Variants in RANBP2 observed in about 807,000 individuals in gnomAD.
RANBP2 encodes E3 SUMO-protein ligase RanBP2.
In RANBP2, 57 loss-of-function variants were observed where a neutral mutation model predicts 303.6. That is an observed-to-expected ratio of 0.19 (90% confidence interval 0.15 to 0.23). The LOEUF is 0.23. Ranked by LOEUF, RANBP2 falls within the 10% of genes least tolerant of loss-of-function variation. The probability of loss-of-function intolerance (pLI) is 1.00; values close to 1 mark genes in which losing one functional copy is unlikely to be tolerated. For synonymous variants in RANBP2, 1,167 were observed against 1,301.5 expected (o/e 0.90, Z 2.23); for missense variants, 3,138 against 3,780.8 (o/e 0.83, Z 4.46).
chr2:109,519,406 A>C, the RANBP2 span, among the ~76,000 whole-genome samples: 4,251 of 152,306 alleles, frequency 0.028, 219 homozygotes, highest in African/African-American at 0.097. Context: ...TCCAAACCAA[A>C]TCAAGTTTAA....
chr2:108,844,333 C>T, the RANBP2 span, among the ~76,000 whole-genome samples: 1 of 152,134 alleles, frequency 6.6e-6, no homozygotes, highest in African/African-American at 2.4e-5. Context: ...GTTATTCTTT[C>T]CTCCATCCTC....
the RANBP2 span, among the ~76,000 whole-genome samples, chr2:109,181,214 T>G: frequency 5.9e-5 from 9 of 152,130 alleles, no homozygotes; most frequent in Admixed American, 2.0e-4. Context: ...GATCTTAGGT[T>G]TATGGAAAAG....
rs1006200808 is a variant in RANBP2 at position 108,771,784 on chromosome 2, A to C, written c.7933A>C (p.Lys2645Gln). The C allele has an allele frequency of 1.7e-5, 27 of 1,613,968 alleles. No individual in the cohort carries two copies. Among genetic ancestry groups the C allele is most frequent in the Non-Finnish European group, 2.1e-5 (25 of 1,179,976 alleles). ...TGAACTAACTCCAACCGCTGAGCAG[A>C]AAGCCCTTGCAACCAAACTTAAACT... Reference protein sequence around the residue: ...VYELTPTAEQKALATKLKLPP... With the variant: ...VYELTPTAEQQALATKLKLPP... The change falls in exon 21 of 29, where the codon AAA (lysine) becomes CAA (glutamine). Residue 2645 changes from lysine to glutamine, a missense_variant. Physicochemically the swap from Lys to Gln is moderately conservative, Grantham distance 53 (BLOSUM62 1). Transcript: ENST00000283195.
the RANBP2 span, among the ~76,000 whole-genome samples, chr2:109,121,105 G>A: frequency 3.3e-5 from 5 of 152,082 alleles, no homozygotes; most frequent in Non-Finnish European, 7.4e-5. Context: ...AAAATTAGCC[G>A]GACAAGGTGG....
chr2:109,382,329 C>T, the RANBP2 span, among the ~76,000 whole-genome samples: 1 of 152,160 alleles, frequency 6.6e-6, no homozygotes, highest in Non-Finnish European at 1.5e-5. Context: ...GCTGCAGGCC[C>T]AGCCCAGGGG....
intron 7 of RANBP2, among the ~76,000 whole-genome samples, chr2:108,742,555 T>C (rs1406122766): frequency 1.3e-5 from 2 of 151,058 alleles, no homozygotes; most frequent in Non-Finnish European, 3.0e-5. Context: ...CCACCCGACT[T>C]GGCCTCTCAA....
At chr2:108,896,314 A>G in the RANBP2 span, 1 of 154,550 alleles carries the variant, frequency 6.5e-6, no homozygotes, top group Admixed American at 6.3e-5. Flanking sequence ...AACCTGAAAT[A>G]ATACCTGGAG....
chr2:109,005,668 A>G, the RANBP2 span, among the ~76,000 whole-genome samples: 1 of 152,240 alleles, frequency 6.6e-6, no homozygotes, highest in African/African-American at 2.4e-5. Flanking sequence ...AACTGCGGGC[A>G]CACAGCTCTT....
chr2:109,611,213 A>C, the RANBP2 span, among the ~76,000 whole-genome samples: 1 of 152,236 alleles, frequency 6.6e-6, no homozygotes, highest in Non-Finnish European at 1.5e-5. Context: ...ATAAATGTAA[A>C]ACATAAACTA....
chr2:109,545,633 T>C, the RANBP2 span: 2 of 1,517,094 alleles, frequency 1.3e-6, no homozygotes, highest in East Asian at 2.5e-5. Context: ...AAATACTATC[T>C]TATGTCTATA....
the RANBP2 span, among the ~76,000 whole-genome samples, chr2:109,439,867 C>G: frequency 6.6e-6 from 1 of 152,018 alleles, no homozygotes; most frequent in East Asian, 1.9e-4. Flanking sequence ...GGTGGGTTTG[C>G]TAAAGGGCTG....
At chr2:108,813,248 CAAAAA>C in the RANBP2 span, among the ~76,000 whole-genome samples, 7 of 63,564 alleles carry the variant, frequency 1.1e-4, no homozygotes, top group South Asian at 9.8e-4. Context: ...GACTCCGTCT[CAAAAA>C]AAAAAAAAAA....
At chr2:109,472,314 C>A in the RANBP2 span, among the ~76,000 whole-genome samples, 1 of 151,820 alleles carries the variant, frequency 6.6e-6, no homozygotes, top group Non-Finnish European at 1.5e-5. Flanking sequence ...CAGGGGCCTC[C>A]CGGGCCCTCC....
At chr2:108,741,058 G>A (rs1428081713) in intron 7 of RANBP2, among the ~76,000 whole-genome samples, 5 of 152,088 alleles carry the variant, frequency 3.3e-5, no homozygotes, top group South Asian at 4.1e-4. Context: ...TAGGGCAATG[G>A]CTTTATAGCC....
At chr2:109,026,668 C>A in the RANBP2 span, among the ~76,000 whole-genome samples, 1 of 152,166 alleles carries the variant, frequency 6.6e-6, no homozygotes, top group African/African-American at 2.4e-5. Flanking sequence ...TTGCTCGGCA[C>A]CCTCTAGGTG....
the RANBP2 span, among the ~76,000 whole-genome samples, chr2:109,724,712 G>A: frequency 8.5e-5 from 13 of 152,204 alleles, no homozygotes; most frequent in African/African-American, 1.4e-4. Context: ...CGGTTTTCTC[G>A]CCAGCTTTTG....
the RANBP2 span, among the ~76,000 whole-genome samples, chr2:109,443,458 T>C: frequency 0.048 from 7,299 of 152,274 alleles, 530 homozygotes; most frequent in African/African-American, 0.15. Flanking sequence ...ATTCCATGAA[T>C]GTCTGAAAAT....
chr2:108,958,583 C>T, the RANBP2 span, among the ~76,000 whole-genome samples: 47 of 152,212 alleles, frequency 3.1e-4, no homozygotes, highest in Non-Finnish European at 6.5e-4. Context: ...GGTGGGAGGG[C>T]ACCCCATGGC....
the RANBP2 span, among the ~76,000 whole-genome samples, chr2:108,946,588 G>T: frequency 2.6e-5 from 4 of 152,322 alleles, no homozygotes; most frequent in African/African-American, 9.6e-5. Flanking sequence ...TTGACTCACA[G>T]TTCCACATGG....
Sources: allele counts gnomAD v4.1 joint callset (sites outside exome capture counted in the v4.1 genomes callset), GRCh38; gene constraint gnomAD v4.1.1; transcripts MANE v1.5; gene names NCBI Gene and HGNC (gene_info 2026-07-23, HGNC 2026-07-21).